Variants in NAE1 observed in about 807,000 individuals in gnomAD.
NAE1 encodes NEDD8 activating enzyme E1 subunit 1.
A neutral mutation model predicts 88.0 loss-of-function variants in NAE1; 59 were observed. That is an observed-to-expected ratio of 0.67 (90% confidence interval 0.54 to 0.83). NAE1 has a LOEUF of 0.83. Ranked by LOEUF, NAE1 falls within the 40% of genes least tolerant of loss-of-function variation. The pLI, the probability that NAE1 is intolerant of heterozygous loss-of-function variation, is 0.00. For synonymous variants in NAE1, 186 were observed against 208.9 expected, an observed-to-expected ratio of 0.89 and a Z score of 0.95; for missense variants, 554 against 632.8, an observed-to-expected ratio of 0.88 and a Z score of 1.34.
intron 13 of NAE1, among the ~76,000 whole-genome samples, chr16:66,812,569 G>A (rs1959849824): frequency 7.0e-6 from 1 of 142,912 alleles, no homozygotes; most frequent in South Asian, 2.2e-4. Flanking sequence ...CCAGGCTGGA[G>A]TGCAGTGGCA....
intron 1 of NAE1, among the ~76,000 whole-genome samples, chr16:66,827,285 T>C (rs548398903): frequency 7.1e-4 from 107 of 150,968 alleles, no homozygotes; most frequent in Non-Finnish European, 1.2e-3. Context: ...TTATGTTAGA[T>C]GTGCCAGGTG....
chr16:66,807,059 T>A (rs1567487107), intron 17 of NAE1, among the ~76,000 whole-genome samples: 1 of 152,180 alleles, frequency 6.6e-6, no homozygotes, highest in Non-Finnish European at 1.5e-5. Context: ...ACTAAGGTGC[T>A]AGTTACATGA....
intron 13 of NAE1, 119 bp from the exon 14 acceptor site, chr16:66,810,891 A>C: frequency 1.3e-6 from 1 of 781,934 alleles, no homozygotes; most frequent in East Asian, 2.6e-5. Context: ...ACAATGTATG[A>C]AATGTGAAAA....
At chr16:66,803,522 T>C (rs2145303186) in intron 19 of NAE1, among the ~76,000 whole-genome samples, 1 of 152,180 alleles carries the variant, frequency 6.6e-6, no homozygotes, top group South Asian at 2.1e-4. Context: ...AAAAAACTAC[T>C]AAGAAAAAAA....
intron 1 of NAE1, among the ~76,000 whole-genome samples, chr16:66,830,275 TA>T (rs1450874773): frequency 6.6e-6 from 1 of 152,160 alleles, no homozygotes; most frequent in African/African-American, 2.4e-5. Context: ...AAAATAAAAA[TA>T]AAAATAAAAA....
intron 6 of NAE1, 72 bp from the exon 7 acceptor site, chr16:66,821,631 C>T (rs1469283927): frequency 2.6e-5 from 33 of 1,276,636 alleles, no homozygotes; most frequent in Non-Finnish European, 3.1e-5. Context: ...ACATGCAAAA[C>T]ATGAAAATGT....
In NAE1 at chr16:66,805,842, G is replaced by A. The variant is rs74024024; in HGVS notation, c.1446-16C>T. On this transcript the variant is annotated splice_polypyrimidine_tract_variant and intron_variant, in intron 18 of 19. Transcript: ENST00000290810. ...ATATCGGCAACTAAAGGAGACCACA[G>A]AGACATGAATTTTGATTAGCCTTAT... is the stretch of plus-strand genomic sequence containing the variant. 4 of 1,566,454 alleles carry A rather than the reference G, an allele frequency of 2.6e-6. No individual in the cohort carries two copies. Among genetic ancestry groups the A allele is most frequent in the Admixed American group, 4.0e-5 (2 of 49,724 alleles).
rs969342239 is a variant in NAE1, at chr16:66,810,789, A to T, written c.1035-17T>A. ...TCACGGTAACTAAAAAAGAATAAAA[A>T]GCAATTACTAACAAATTTTTAAATT... On this transcript the variant is annotated splice_polypyrimidine_tract_variant and intron_variant, in intron 13 of 19. Transcript: ENST00000290810. 1.2e-6 allele frequency: 2 copies of T among 1,607,712 alleles called. No homozygotes were observed. Among genetic ancestry groups the T allele is most frequent in the Non-Finnish European group, 1.7e-6 (2 of 1,177,316 alleles).
In NAE1 at chr16:66,816,564, A is replaced by G; in HGVS notation, c.840+17T>C. On this transcript the variant is annotated intron_variant, in intron 11 of 19. Transcript: ENST00000290810. ...AACATCTTGTTCATGTGAATCCCTC[A>G]GCAACTCTTTCATTACCTGAGTTGT... 6.5e-7 allele frequency: 1 copy of G among 1,540,852 alleles called. No homozygotes were observed. Among genetic ancestry groups the G allele is most frequent in the Non-Finnish European group, 9.0e-7 (1 of 1,114,714 alleles).
intron 17 of NAE1, among the ~76,000 whole-genome samples, chr16:66,807,153 T>G (rs1223751137): frequency 5.3e-5 from 8 of 152,112 alleles, no homozygotes. Context: ...ACTGCATGCC[T>G]CCCCAAGGAG....
At chr16:66,818,062 G>A (rs796403851) in intron 8 of NAE1, among the ~76,000 whole-genome samples, 7 of 152,166 alleles carry the variant, frequency 4.6e-5, no homozygotes, top group African/African-American at 1.2e-4. Flanking sequence ...GGAGAATGGG[G>A]TATCTGTATA....
At chr16:66,819,092 T>A (rs1960158090) in intron 7 of NAE1, among the ~76,000 whole-genome samples, 1 of 152,228 alleles carries the variant, frequency 6.6e-6, no homozygotes, top group African/African-American at 2.4e-5. Context: ...AAGGTACGAT[T>A]TACATATAGT....
chr16:66,814,864 C>T (rs1321285423), intron 11 of NAE1, among the ~76,000 whole-genome samples: 4 of 152,140 alleles, frequency 2.6e-5, no homozygotes, highest in African/African-American at 9.7e-5. Context: ...CAAATCCTTC[C>T]TACCACTTTT....
At chr16:66,803,837 C>T (rs943931349) in intron 19 of NAE1, among the ~76,000 whole-genome samples, 5 of 152,038 alleles carry the variant, frequency 3.3e-5, no homozygotes, top group African/African-American at 1.2e-4. Context: ...AAGTGATCCG[C>T]CCACCTCAGC....
At chr16:66,830,798 T>C in intron 1 of NAE1, 49 bp downstream of exon 1, 1 of 1,498,178 alleles carries the variant, frequency 6.7e-7, no homozygotes, top group South Asian at 1.2e-5. Context: ...CCGGCCCGAA[T>C]GCTGGAAAGC....
intron 3 of NAE1, 94 bp downstream of exon 3, chr16:66,826,429 A>T: frequency 8.6e-7 from 1 of 1,168,132 alleles, no homozygotes; most frequent in Non-Finnish European, 1.3e-6. Flanking sequence ...GATGATTTCC[A>T]CTGAGAGTCG....
chr16:66,821,337 GA>G, intron 7 of NAE1, 112 bp downstream of exon 7: 10 of 1,302,268 alleles, frequency 7.7e-6, no homozygotes, highest in Non-Finnish European at 1.0e-5. Flanking sequence ...TGCAACTAGA[GA>G]TGTGCTGCTA....
At position 66,813,805 on chromosome 16, in the gene NAE1, G is replaced by C. The variant is rs777573115; in HGVS notation, c.882C>G (p.Cys294Trp). The change falls in exon 12 of 20, where the codon TGC becomes TGG. Residue 294 changes from cysteine (C) to tryptophan (W), a missense_variant. Coordinates refer to ENST00000290810, the MANE Select transcript of NAE1 (RefSeq NM_003905.4). ...TTGTTACCTGTTTGGTGATATTTATGCAGCGATCATCATTAAATATATCTT... is the reference window on the plus strand; with the variant it reads ...TTGTTACCTGTTTGGTGATATTTATCCAGCGATCATCATTAAATATATCTT... ...SIEDIFNDDR[C>W]INITKQTPSF... The C allele has an allele frequency of 5.6e-6, 9 of 1,613,764 alleles. No individual in the cohort carries two copies. In the Admixed American group the frequency reaches 1.3e-4, roughly 24 times the overall value.
At chr16:66,824,575 G>C (rs974376411) in intron 4 of NAE1, 2 of 234,808 alleles carry the variant, frequency 8.5e-6, no homozygotes, top group African/African-American at 4.6e-5. Context: ...CTGGGGGACA[G>C]AGCGAGACTC....
Sources: gnomAD v4.1 joint callset for allele counts (sites outside exome capture counted in the v4.1 genomes callset) on GRCh38, gnomAD v4.1.1 for gene constraint, MANE v1.5 for transcripts, NCBI Gene and HGNC (gene_info 2026-07-23, HGNC 2026-07-21) for gene names.